The following RSPH14 variants were observed in gnomAD, a reference collection of about 807,000 sequenced individuals.
The protein encoded by RSPH14 is rhabdoid tumor deletion region gene 1.
In RSPH14, 20 loss-of-function variants were observed where a neutral mutation model predicts 26.7. The ratio of observed to expected loss-of-function variants is 0.75; its 90% CI spans 0.53 to 1.09. The LOEUF (loss-of-function observed/expected upper bound fraction) is 1.09. Ranked by LOEUF, RSPH14 falls within the 50% of genes least tolerant of loss-of-function variation. The pLI is 0.00. For synonymous variants in RSPH14, 177 were observed against 189.3 expected (o/e 0.93, Z 0.53); for missense variants, 449 against 457.2 (o/e 0.98, Z 0.16).
At chr22:23,133,131 CAA>C (rs2070393829) in intron 4 of RSPH14, 1 of 152,154 alleles carries the variant, frequency 6.6e-6, no homozygotes, top group Non-Finnish European at 1.5e-5. Context: ...ACATGTCCAT[CAA>C]AAGACATTTA....
intron 4 of RSPH14, among the ~76,000 whole-genome samples, chr22:23,114,400 C>A (rs1253787748): frequency 6.6e-6 from 1 of 152,240 alleles, no homozygotes; most frequent in Non-Finnish European, 1.5e-5. Flanking sequence ...CGGCCCCACC[C>A]TTCCCAGCAA....
chr22:23,108,743 TCCC>T (rs2069555993), intron 4 of RSPH14, among the ~76,000 whole-genome samples: 1 of 152,218 alleles, frequency 6.6e-6, no homozygotes, highest in Non-Finnish European at 1.5e-5. Context: ...GGACCTTTCT[TCCC>T]AGGCAGGAGT....
At chr22:23,148,619 T>G (rs986005062), upstream of RSPH14, among the ~76,000 whole-genome samples, 1 of 152,228 alleles carries the variant, frequency 6.6e-6, no homozygotes, top group Non-Finnish European at 1.5e-5. Flanking sequence ...AAGTTCATCC[T>G]GCACCCCAGG....
chr22:23,162,847 G>A, the RSPH14 span: 1 of 422,164 alleles, frequency 2.4e-6, no homozygotes, highest in Admixed American at 2.5e-5. Context: ...AGTTAGGGAA[G>A]AACACTGGCA....
chr22:23,063,639 G>C (rs904743925), intron 5 of RSPH14, among the ~76,000 whole-genome samples: 1 of 152,198 alleles, frequency 6.6e-6, no homozygotes, highest in African/African-American at 2.4e-5. Context: ...TCCTGTGCTG[G>C]CCTTCCTCAT....
chr22:23,171,034 C>T, the RSPH14 span, among the ~76,000 whole-genome samples: 3 of 152,022 alleles, frequency 2.0e-5, no homozygotes, highest in African/African-American at 7.2e-5. Flanking sequence ...GTAGTGCAAT[C>T]TTGGCTCACT....
At chr22:23,117,758 T>C (rs921115097) in intron 4 of RSPH14, among the ~76,000 whole-genome samples, 1 of 152,114 alleles carries the variant, frequency 6.6e-6, no homozygotes, top group Non-Finnish European at 1.5e-5. Flanking sequence ...GGAAATGACT[T>C]GTCCAAGGTG....
At chr22:23,122,661 A>G (rs1434637718) in intron 4 of RSPH14, 7 of 191,344 alleles carry the variant, frequency 3.7e-5, no homozygotes, top group Non-Finnish European at 5.5e-5. Flanking sequence ...GGGAGCTATG[A>G]TGTGACGGGG....
intron 4 of RSPH14, chr22:23,123,410 C>T (rs565166090): frequency 1.2e-5 from 20 of 1,612,980 alleles, no homozygotes; most frequent in Admixed American, 5.0e-5. Context: ...AGAACAATCT[C>T]AAGTACATTG....
intron 6 of RSPH14, among the ~76,000 whole-genome samples, chr22:23,061,124 G>A (rs1364897752): frequency 6.6e-6 from 1 of 152,200 alleles, no homozygotes; most frequent in East Asian, 1.9e-4. Flanking sequence ...CTGTCTTTGG[G>A]AGGCTGATTG....
chr22:23,095,395 G>A (rs932424395), intron 4 of RSPH14: 2 of 369,690 alleles, frequency 5.4e-6, no homozygotes, highest in Non-Finnish European at 9.9e-6. Flanking sequence ...ACAAGCGGAC[G>A]GCTTCCCACC....
chr22:23,104,500 G>C (rs770770455), intron 4 of RSPH14, among the ~76,000 whole-genome samples: 9 of 152,202 alleles, frequency 5.9e-5, no homozygotes, highest in Non-Finnish European at 1.3e-4. Context: ...CCAGGCCAGT[G>C]GGTAATTAAT....
At chr22:23,108,920 G>A (rs1222389183) in intron 4 of RSPH14, among the ~76,000 whole-genome samples, 1 of 152,218 alleles carries the variant, frequency 6.6e-6, no homozygotes, top group East Asian at 1.9e-4. Context: ...GACATGCTGT[G>A]CATGCTACAG....
At chr22:23,095,498 C>T (rs896548088) in intron 4 of RSPH14, 4 of 620,000 alleles carry the variant, frequency 6.5e-6, no homozygotes, top group Admixed American at 3.0e-5. Flanking sequence ...GGCCACCGCC[C>T]GCTGCACAGA....
chr22:23,165,113 A>G, the RSPH14 span, among the ~76,000 whole-genome samples: 1 of 152,164 alleles, frequency 6.6e-6, no homozygotes, highest in African/African-American at 2.4e-5. Context: ...GAACCCCAAG[A>G]GCCAGGACAG....
chr22:23,070,329 C>A (rs1450211042), intron 4 of RSPH14: 1 of 142,804 alleles, frequency 7.0e-6, no homozygotes, highest in Non-Finnish European at 1.6e-5. Flanking sequence ...GGCGGCGCGG[C>A]GCGGGGCGGG....
At chr22:23,126,326 G>A (rs987116260) in intron 4 of RSPH14, among the ~76,000 whole-genome samples, 2 of 152,122 alleles carry the variant, frequency 1.3e-5, no homozygotes, top group African/African-American at 2.4e-5. Flanking sequence ...AACCTCAGGC[G>A]CTGTCGACCT....
At chr22:23,107,739 G>A (rs930984091) in intron 4 of RSPH14, among the ~76,000 whole-genome samples, 2 of 152,176 alleles carry the variant, frequency 1.3e-5, no homozygotes, top group African/African-American at 4.8e-5. Flanking sequence ...TGGCCGCAGG[G>A]TGTGAAAATC....
rs2068366024 is a variant in RSPH14 at position 23,071,281 on chromosome 22, C to G, written c.422-7148G>C. ...GTATCCTGCGGGCGATCCGAGGGGG[C>G]TCTGCCTTTAGGGCGGTGCTGAGCC... On this transcript the variant is annotated intron_variant, in intron 4 of 6. Transcript: ENST00000216036. This position sits in a 1 kb window ranked among gnomAD's most constrained non-coding sequence, Gnocchi z 4.1. 6.6e-6 allele frequency among the ~76,000 whole-genome samples: 1 copy of G among 152,176 alleles called. No individual in the cohort carries two copies. The highest frequency in any genetic ancestry group is 2.1e-4 in the South Asian group (1 of 4,836).
Sources: gnomAD v4.1 joint callset for allele counts (sites outside exome capture counted in the v4.1 genomes callset) on GRCh38, gnomAD v4.1.1 for gene constraint, Gnocchi (gnomAD v3.1) non-coding constraint, MANE v1.5 for transcripts, NCBI Gene and HGNC (gene_info 2026-07-23, HGNC 2026-07-21) for gene names.